The following GTF3C6 variants were observed in gnomAD, a reference collection of about 807,000 sequenced individuals.
The protein encoded by GTF3C6 is general transcription factor 3C polypeptide 6.
GTF3C6 carries 11 observed loss-of-function variants against 19.2 expected under a neutral mutation model. The ratio of observed to expected loss-of-function variants is 0.57; its 90% confidence interval spans 0.36 to 0.95. The LOEUF is 0.95. Ranked by LOEUF, GTF3C6 falls within the 40% of genes least tolerant of loss-of-function variation. The pLI is 0.01. For missense variants in GTF3C6, 222 were observed against 254.7 expected (o/e 0.87, Z 0.87); for synonymous variants, 87 against 84.2 (o/e 1.03, Z -0.18).
intron 5 of GTF3C6, 130 bp from the exon 6 acceptor site, chr6:110,967,380 T>TGG: frequency 1.3e-6 from 1 of 772,520 alleles, no homozygotes; most frequent in South Asian, 2.0e-5. Flanking sequence ...ACAGACACCA[T>TGG]ATTCCTTGGT....
At position 110,967,798 on chromosome 6, in the gene GTF3C6, T is replaced by G; in HGVS notation, c.*8T>G. 1.3e-6 allele frequency: 2 copies of G among 1,578,164 alleles called. No homozygotes were observed. The highest frequency in any genetic ancestry group is 1.7e-6 in the Non-Finnish European group (2 of 1,164,488). On this transcript the variant is annotated 3_prime_UTR_variant, in exon 6 of 6. Coordinates refer to ENST00000329970, the MANE Select transcript of GTF3C6 (RefSeq NM_138408.4). ...ACTCAAATGCTGCCTTAGAAATCAC[T>G]CCTAGATGAAATGTTTCTCATAATA...
chr6:110,959,913 C>T lies in GTF3C6; in HGVS notation c.139-501C>T, dbSNP rs376500744. On this transcript the variant is annotated intron_variant, in intron 2 of 5. Transcript: ENST00000329970. Reference sequence around the variant, plus strand: ...CAGAGGTTGCAGTGAGCCGAGATCGCGCCACTGTACTCCAGCCTGGGCAAC... The same window carrying T: ...CAGAGGTTGCAGTGAGCCGAGATCGTGCCACTGTACTCCAGCCTGGGCAAC... 1.5e-3 allele frequency among the ~76,000 whole-genome samples: 221 copies of T among 151,964 alleles called. 1 individual carries two copies. The highest frequency in any genetic ancestry group is 0.012 in the East Asian group (60 of 5,172).
In GTF3C6 at chr6:110,959,323, A is replaced by C. The variant is rs578231064; in HGVS notation, c.138+71A>C. 7.8e-6 allele frequency: 7 copies of C among 894,522 alleles called. No homozygotes were observed. The South Asian group carries it at 9.5e-5, about 12-fold the overall frequency. The allele number at this position is 894,522 out of a possible 1,614,324, so 55.4% of individuals were successfully genotyped here. Reference sequence around the variant, plus strand: ...GTAAAACAAGAATCAATGGTGAAATACCTATCCGCAAGTATTGATATATTT... The same window carrying C: ...GTAAAACAAGAATCAATGGTGAAATCCCTATCCGCAAGTATTGATATATTT... On this transcript the variant is annotated intron_variant, in intron 2 of 5. Coordinates refer to ENST00000329970, the MANE Select transcript of GTF3C6 (RefSeq NM_138408.4).
intron 5 of GTF3C6, among the ~76,000 whole-genome samples, chr6:110,966,031 G>T (rs903510850): frequency 1.3e-5 from 2 of 152,188 alleles, no homozygotes; most frequent in South Asian, 4.1e-4. Context: ...TGTTTTGGTT[G>T]TTGGCAGGAG....
Position 110,958,764 on chromosome 6 carries a change from G to A in GTF3C6, c.-6G>A. ...CAGTGACTAGAAGGCGAGGCGCCGC[G>A]GGACCATGGCGGCGGCGGCGGACGA... On this transcript the variant is annotated 5_prime_UTR_variant, in exon 1 of 6. Transcript: ENST00000329970. The A allele has an allele frequency of 1.3e-6, 2 of 1,550,896 alleles. No homozygotes were observed. Among genetic ancestry groups the A allele is most frequent in the Non-Finnish European group, 1.7e-6 (2 of 1,146,934 alleles).
At chr6:110,962,746 G>A (rs1771176819) in intron 5 of GTF3C6, among the ~76,000 whole-genome samples, 1 of 151,700 alleles carries the variant, frequency 6.6e-6, no homozygotes. Flanking sequence ...GGGATTACAG[G>A]CACCCACCAC....
At chr6:110,963,138 A>G (rs141534434) in intron 5 of GTF3C6, among the ~76,000 whole-genome samples, 3,780 of 152,014 alleles carry the variant, frequency 0.025, 137 homozygotes, top group African/African-American at 0.088. Flanking sequence ...GGCTGGTCTT[A>G]AACTCCTGAC....
At chr6:110,960,546 C>A in intron 3 of GTF3C6, 26 bp from the exon 4 acceptor site, 3 of 1,612,778 alleles carry the variant, frequency 1.9e-6, no homozygotes, top group Non-Finnish European at 2.5e-6. Context: ...CTCTTCTCAA[C>A]AATTTGCCTT....
At chr6:110,960,387 T>C in intron 2 of GTF3C6, 27 bp from the exon 3 acceptor site, 1 of 1,573,336 alleles carries the variant, frequency 6.4e-7, no homozygotes, top group African/African-American at 1.4e-5. Flanking sequence ...TTATGTTTTT[T>C]TTTTATGATC....
chr6:110,958,758 C>T lies in GTF3C6; in HGVS notation c.-12C>T, dbSNP rs1025817136. The T allele has an allele frequency of 1.3e-5, 20 of 1,550,520 alleles. No individual in the cohort carries two copies. The highest frequency in any genetic ancestry group is 3.6e-5 in the South Asian group (3 of 84,034). ...CGTGGCCAGTGACTAGAAGGCGAGG[C>T]GCCGCGGGACCATGGCGGCGGCGGC... is the stretch of plus-strand genomic sequence containing the variant. On this transcript the variant is annotated 5_prime_UTR_variant, in exon 1 of 6. Coordinates refer to ENST00000329970, the MANE Select transcript of GTF3C6 (RefSeq NM_138408.4).
In GTF3C6 at chr6:110,967,540, A is replaced by G; in HGVS notation, c.392A>G (p.Asn131Ser). 2 of 1,613,508 alleles carry G rather than the reference A, an allele frequency of 1.2e-6. No individual in the cohort carries two copies. The highest frequency in any genetic ancestry group is 1.7e-6 in the Non-Finnish European group (2 of 1,179,784). Reference protein sequence around the residue: ...GGVEWLQIKDNDFSYRPNMIC... With the variant: ...GGVEWLQIKDSDFSYRPNMIC... Reference sequence around the variant, plus strand: ...GTGGAATGGCTGCAAATAAAGGATAATGATTTCTCCTATCGACCCAACATG... The same window carrying G: ...GTGGAATGGCTGCAAATAAAGGATAGTGATTTCTCCTATCGACCCAACATG... Residue 131 changes from asparagine to serine, a missense_variant, in exon 6 of 6, where the codon AAT (asparagine) becomes AGT (serine). Physicochemically the swap from Asn to Ser is conservative, Grantham distance 46. Coordinates refer to ENST00000329970, the MANE Select transcript of GTF3C6 (RefSeq NM_138408.4).
chr6:110,966,379 A>AGGTG (rs1464147256), intron 5 of GTF3C6, among the ~76,000 whole-genome samples: 4 of 152,114 alleles, frequency 2.6e-5, no homozygotes, highest in African/African-American at 9.7e-5. Context: ...CGGGAGGCTG[A>AGGTG]GGTGGGAGAA....
chr6:110,959,967 A>T (rs987004043), intron 2 of GTF3C6, among the ~76,000 whole-genome samples: 5 of 140,624 alleles, frequency 3.6e-5, no homozygotes, highest in African/African-American at 8.0e-5. Flanking sequence ...TCAATAAAAA[A>T]AAAAAATAAT....
chr6:110,960,610 G>C lies in GTF3C6; in HGVS notation c.241G>C (p.Glu81Gln). Residue 81 changes from glutamate to glutamine, a missense_variant, in exon 4 of 6, where the codon GAA (glutamate) becomes CAA (glutamine). Glu to Gln is a conservative substitution (Grantham distance 29). Coordinates refer to ENST00000329970, the MANE Select transcript of GTF3C6 (RefSeq NM_138408.4). ...CTGTGTTATATTTGAAGAAAATGTT[G>C]AACATGGTAAGTGATTGCTAGCCCA... The part of the protein sequence containing the change: ...GTCVIFEENV[E>Q]HADTEGNNKT... 1.2e-6 allele frequency: 2 copies of C among 1,612,956 alleles called. No homozygotes were observed. The highest frequency in any genetic ancestry group is 1.7e-6 in the Non-Finnish European group (2 of 1,179,002).
In GTF3C6 at chr6:110,958,753, C is replaced by G. The variant is rs1771115549; in HGVS notation, c.-17C>G. ...GCGGGCGTGGCCAGTGACTAGAAGG[C>G]GAGGCGCCGCGGGACCATGGCGGCG... On this transcript the variant is annotated 5_prime_UTR_variant, in exon 1 of 6. Transcript: ENST00000329970. 1.9e-6 allele frequency: 3 copies of G among 1,550,396 alleles called. No individual in the cohort carries two copies. Among genetic ancestry groups the G allele is most frequent in the African/African-American group, 1.4e-5 (1 of 73,090 alleles).
At chr6:110,959,911 C>T (rs573176544) in intron 2 of GTF3C6, among the ~76,000 whole-genome samples, 3 of 152,030 alleles carry the variant, frequency 2.0e-5, no homozygotes, top group South Asian at 2.1e-4. Context: ...GAGCCGAGAT[C>T]GCGCCACTGT....
Position 110,965,608 on chromosome 6 carries a change from G to A in GTF3C6, c.362-1902G>A, listed in dbSNP as rs145829430. Among the ~76,000 whole-genome samples the A allele has an allele frequency of 3.4e-3, 515 of 152,238 alleles. 2 individuals are homozygous for A. The highest frequency in any genetic ancestry group is 6.0e-3 in the Admixed American group (91 of 15,266). ...TTGTAATAATTATAAGAAGAAAGAG[G>A]TACTAGGTTCTAGAATAAACTTGAA... On this transcript the variant is annotated intron_variant, in intron 5 of 5. Transcript: ENST00000329970.
chr6:110,961,989 G>T (rs776691820), intron 4 of GTF3C6, among the ~76,000 whole-genome samples: 12 of 151,600 alleles, frequency 7.9e-5, no homozygotes, highest in Non-Finnish European at 1.8e-4. Context: ...TGCAACCTCC[G>T]CCTCCTGGGT....
At chr6:110,965,688 G>A (rs531115145) in intron 5 of GTF3C6, among the ~76,000 whole-genome samples, 4 of 152,136 alleles carry the variant, frequency 2.6e-5, no homozygotes, top group Non-Finnish European at 5.9e-5. Context: ...ATTAGAGTGA[G>A]TTTCCTCTTC....
Sources: allele counts gnomAD v4.1 joint callset (sites outside exome capture counted in the v4.1 genomes callset), GRCh38; gene constraint gnomAD v4.1.1; transcripts MANE v1.5; gene names NCBI Gene and HGNC (gene_info 2026-07-23, HGNC 2026-07-21).